The following PDGFD variants were observed in gnomAD, a reference collection of about 807,000 sequenced individuals.
The protein encoded by PDGFD is platelet derived growth factor D, also known as platelet-derived growth factor D.
A neutral mutation model predicts 44.7 loss-of-function variants in PDGFD; 30 were observed. That is an observed-to-expected ratio of 0.67 (90% CI 0.50 to 0.91). PDGFD has a LOEUF of 0.91. Among genes scored for constraint, PDGFD ranks in the 40% least tolerant of loss-of-function variants. PDGFD has a pLI of 0.00. For missense variants in PDGFD, 445 were observed against 457.8 expected (o/e 0.97, Z 0.25); for synonymous variants, 173 against 168.4 (o/e 1.03, Z -0.21).
At chr11:104,095,591 GAGA>G (rs919338266) in intron 1 of PDGFD, among the ~76,000 whole-genome samples, 19 of 134,712 alleles carry the variant, frequency 1.4e-4, no homozygotes, top group South Asian at 2.6e-4. Context: ...AAGAAAATGA[GAGA>G]AGAAGAAGGA....
intron 1 of PDGFD, chr11:104,036,757 G>A: frequency 1.5e-6 from 2 of 1,326,314 alleles, no homozygotes; most frequent in South Asian, 1.3e-5. Context: ...AACGACGCAG[G>A]CCCGCCCCAG....
At chr11:103,924,239 G>A (rs1002936584) in intron 6 of PDGFD, among the ~76,000 whole-genome samples, 10 of 152,286 alleles carry the variant, frequency 6.6e-5, no homozygotes, top group African/African-American at 1.9e-4. Flanking sequence ...TCAAAGTCCT[G>A]ACCTTGAATG....
intron 1 of PDGFD, among the ~76,000 whole-genome samples, chr11:104,088,426 C>T (rs1018566439): frequency 1.3e-4 from 20 of 152,270 alleles, no homozygotes; most frequent in African/African-American, 4.6e-4. Flanking sequence ...CTTTTAAGCA[C>T]TCAATTCATC....
Position 103,963,879 on chromosome 11 carries a change from C to T in PDGFD, c.511-16155G>A, listed in dbSNP as rs142476737. ...ATCTTTTATCCAGCCTCCTATCTCT[C>T]GGTAAAATATTTCTACATCCCAATT... On this transcript the variant is annotated intron_variant, in intron 3 of 6. Transcript: ENST00000393158. 5.3e-4 allele frequency among the ~76,000 whole-genome samples: 80 copies of T among 152,142 alleles called. 1 individual carries two copies. The Middle Eastern group carries it at 0.014, about 26-fold the overall frequency.
intron 6 of PDGFD, among the ~76,000 whole-genome samples, chr11:103,921,692 A>C (rs1322294430): frequency 2.0e-5 from 3 of 151,774 alleles, no homozygotes; most frequent in African/African-American, 7.3e-5. Context: ...AACTGTGATA[A>C]AATGCAAATG....
At chr11:104,045,173 T>G (rs1267880949) in intron 1 of PDGFD, among the ~76,000 whole-genome samples, 1 of 152,180 alleles carries the variant, frequency 6.6e-6, no homozygotes, top group Non-Finnish European at 1.5e-5. Context: ...ATGAGCATGT[T>G]GTGCACTTCT....
intron 1 of PDGFD, among the ~76,000 whole-genome samples, chr11:104,039,953 T>C (rs1426882939): frequency 6.6e-6 from 1 of 152,146 alleles, no homozygotes; most frequent in Non-Finnish European, 1.5e-5. Context: ...AATCTGACCA[T>C]ACCCACCCTA....
At chr11:103,958,709 C>T (rs1050921968) in intron 3 of PDGFD, among the ~76,000 whole-genome samples, 1 of 152,108 alleles carries the variant, frequency 6.6e-6, no homozygotes, top group Non-Finnish European at 1.5e-5. Flanking sequence ...CGCCTCTGTG[C>T]TGAAATTCAC....
At chr11:103,993,810 G>A (rs781132316) in intron 3 of PDGFD, among the ~76,000 whole-genome samples, 15 of 152,072 alleles carry the variant, frequency 9.9e-5, no homozygotes, top group Non-Finnish European at 1.9e-4. Context: ...GGCTTTAGTG[G>A]GCCATATTTA....
chr11:103,930,153 A>G lies in PDGFD; in HGVS notation c.773-3027T>C, dbSNP rs572658881. On this transcript the variant is annotated intron_variant, in intron 5 of 6. Coordinates refer to ENST00000393158, the MANE Select transcript of PDGFD (RefSeq NM_025208.5). ...CAATTAAGTTTTTTGGGCCTCATAC[A>G]GGCAGTTTTCTGGAAAGGCTGGGAA... 2.6e-5 allele frequency among the ~76,000 whole-genome samples: 4 copies of G among 152,284 alleles called. No individual in the cohort carries two copies. The South Asian group carries it at 8.3e-4, about 32-fold the overall frequency.
intron 1 of PDGFD, among the ~76,000 whole-genome samples, chr11:104,047,369 C>T (rs1860460231): frequency 6.8e-6 from 1 of 147,630 alleles, no homozygotes; most frequent in African/African-American, 2.5e-5. Flanking sequence ...AGTGTAAATG[C>T]ATTCCTATTT....
At chr11:104,096,790 G>T (rs1861295821) in intron 1 of PDGFD, among the ~76,000 whole-genome samples, 1 of 152,166 alleles carries the variant, frequency 6.6e-6, no homozygotes, top group South Asian at 2.1e-4. Flanking sequence ...AAATTTGAAA[G>T]AAGATATCAA....
chr11:104,131,633 C>T (rs539610822), intron 1 of PDGFD, among the ~76,000 whole-genome samples: 7 of 151,818 alleles, frequency 4.6e-5, no homozygotes, highest in African/African-American at 1.4e-4. Flanking sequence ...GGTGCTTTAC[C>T]ATTCAGGATG....
chr11:104,007,544 C>A (rs1320297594), intron 1 of PDGFD, among the ~76,000 whole-genome samples: 1 of 152,138 alleles, frequency 6.6e-6, no homozygotes, highest in Non-Finnish European at 1.5e-5. Flanking sequence ...GCAGGCTGTG[C>A]CATCTCACAC....
intron 1 of PDGFD, among the ~76,000 whole-genome samples, chr11:104,052,148 T>G (rs1353280471): frequency 6.6e-6 from 1 of 152,218 alleles, no homozygotes; most frequent in Non-Finnish European, 1.5e-5. Flanking sequence ...CTTCAATTAA[T>G]ATAATGTCTT....
intron 1 of PDGFD, among the ~76,000 whole-genome samples, chr11:104,043,754 C>T (rs1403327214): frequency 6.6e-6 from 1 of 152,038 alleles, no homozygotes; most frequent in African/African-American, 2.4e-5. Context: ...AGAGAGGCAG[C>T]AAGAGAGCCA....
chr11:103,960,853 T>TAGAG (rs140274188), intron 3 of PDGFD, among the ~76,000 whole-genome samples: 2 of 151,306 alleles, frequency 1.3e-5, no homozygotes, highest in East Asian at 3.9e-4. Context: ...CCACACATGG[T>TAGAG]AGAGAGAGAG....
chr11:104,107,231 T>A (rs1275386292), intron 1 of PDGFD, among the ~76,000 whole-genome samples: 1 of 151,884 alleles, frequency 6.6e-6, no homozygotes, highest in Non-Finnish European at 1.5e-5. Context: ...TAAAAGAGGG[T>A]CGATCTATAG....
chr11:104,161,558 C>T (rs1031760910), intron 1 of PDGFD, among the ~76,000 whole-genome samples: 4 of 152,192 alleles, frequency 2.6e-5, no homozygotes, highest in Non-Finnish European at 4.4e-5. Flanking sequence ...CTATTGCTAA[C>T]CTCCATCCCT....
Sources: gnomAD v4.1 joint callset for allele counts (sites outside exome capture counted in the v4.1 genomes callset) on GRCh38, gnomAD v4.1.1 for gene constraint, MANE v1.5 for transcripts, NCBI Gene and HGNC (gene_info 2026-07-23, HGNC 2026-07-21) for gene names.